METTL21A: variants seen among roughly 807,000 people sequenced by gnomAD.
The protein encoded by METTL21A is methyltransferase 21A, HSPA lysine.
Under a neutral mutation model 20.9 loss-of-function variants are expected in METTL21A, and 22 were observed. That is an observed-to-expected ratio of 1.05 (90% CI 0.75 to 1.50). The LOEUF (loss-of-function observed/expected upper bound fraction) is 1.50, where lower values mean the gene tolerates loss of function less well. Among genes scored for constraint, METTL21A ranks in the 40% most tolerant of loss-of-function variants. METTL21A has a pLI of 0.00. For synonymous variants in METTL21A, 93 were observed against 102.0 expected, an observed-to-expected ratio of 0.91 and a Z score of 0.53; for missense variants, 271 against 266.8, an observed-to-expected ratio of 1.02 and a Z score of -0.11.
chr2:207,623,804 G>A (rs2090792505), intron 2 of METTL21A, among the ~76,000 whole-genome samples: 1 of 152,196 alleles, frequency 6.6e-6, no homozygotes, highest in African/African-American at 2.4e-5. Context: ...ATTGAGCCAG[G>A]ATCGCACCAC....
At chr2:207,585,619 A>C (rs2083682311) in intron 3 of METTL21A, among the ~76,000 whole-genome samples, 1 of 152,242 alleles carries the variant, frequency 6.6e-6, no homozygotes, top group Non-Finnish European at 1.5e-5. Context: ...AAGGAATTGA[A>C]AATAATGATC....
At chr2:207,602,779 C>T (rs2087308054) in intron 3 of METTL21A, 1 of 214,710 alleles carries the variant, frequency 4.7e-6, no homozygotes, top group Admixed American at 5.8e-5. Context: ...TAATTGTCAA[C>T]ATTTTTTTTG....
chr2:207,616,663 G>A (rs1320566177), intron 3 of METTL21A, among the ~76,000 whole-genome samples: 1 of 152,204 alleles, frequency 6.6e-6, no homozygotes, highest in Non-Finnish European at 1.5e-5. Context: ...TGGCCAACAT[G>A]ATGAAACCCT....
downstream of METTL21A, among the ~76,000 whole-genome samples, chr2:207,606,706 A>C (rs1289617077): frequency 6.6e-6 from 1 of 152,162 alleles, no homozygotes; most frequent in African/African-American, 2.4e-5. Flanking sequence ...ACTAACACAA[A>C]TTACAAGTCT....
intron 3 of METTL21A, among the ~76,000 whole-genome samples, chr2:207,596,331 G>T (rs968676985): frequency 2.6e-5 from 4 of 152,336 alleles, no homozygotes; most frequent in Admixed American, 1.3e-4. Context: ...TATTGATATG[G>T]ATAGAATTTC....
At chr2:207,618,847 AG>A (rs1386979322) in intron 3 of METTL21A, among the ~76,000 whole-genome samples, 3 of 152,282 alleles carry the variant, frequency 2.0e-5, no homozygotes, top group African/African-American at 4.8e-5. Flanking sequence ...ATCACAGGTG[AG>A]GGGGGACTGC....
At chr2:207,604,579 A>T (rs149629990), downstream of METTL21A, among the ~76,000 whole-genome samples, 463 of 152,292 alleles carry the variant, frequency 3.0e-3, 2 homozygotes, top group Middle Eastern at 0.01. Flanking sequence ...CAGGAGTTGG[A>T]ATGTTATCCT....
intron 3 of METTL21A, among the ~76,000 whole-genome samples, chr2:207,590,376 G>A (rs961415368): frequency 2.6e-5 from 4 of 151,202 alleles, no homozygotes; most frequent in African/African-American, 7.3e-5. Context: ...TCTGGCTAAA[G>A]GTTTATCAAT....
At chr2:207,588,293 G>A (rs911176285) in intron 3 of METTL21A, among the ~76,000 whole-genome samples, 3 of 152,096 alleles carry the variant, frequency 2.0e-5, no homozygotes, top group African/African-American at 7.2e-5. Flanking sequence ...TTGTTGAAAA[G>A]ACTATTCTTT....
At chr2:207,602,727 A>G (rs1191956960) in intron 3 of METTL21A, 2 of 210,974 alleles carry the variant, frequency 9.5e-6, no homozygotes, top group African/African-American at 2.3e-5. Context: ...TGCCACTCCA[A>G]TTTGTGTATG....
chr2:207,592,987 TAC>T (rs760256415), intron 3 of METTL21A, among the ~76,000 whole-genome samples: 8 of 152,242 alleles, frequency 5.3e-5, no homozygotes, highest in South Asian at 2.1e-4. Context: ...CTTCTGAGAT[TAC>T]AGTTATAAAT....
downstream of METTL21A, among the ~76,000 whole-genome samples, chr2:207,608,319 A>G (rs2088444099): frequency 6.6e-6 from 1 of 152,086 alleles, no homozygotes; most frequent in Admixed American, 6.5e-5. Flanking sequence ...TCAATCTTTG[A>G]GTCTATTTCC....
intron 3 of METTL21A, among the ~76,000 whole-genome samples, chr2:207,589,592 C>T (rs2084568616): frequency 6.6e-6 from 1 of 152,182 alleles, no homozygotes; most frequent in Non-Finnish European, 1.5e-5. Flanking sequence ...GCTGTAGGGT[C>T]TCTGTAAAAA....
chr2:207,582,535 T>C (rs986486086), intron 3 of METTL21A, among the ~76,000 whole-genome samples: 1 of 152,246 alleles, frequency 6.6e-6, no homozygotes, highest in Non-Finnish European at 1.5e-5. Flanking sequence ...GGATCTTTTA[T>C]AAGTGTCTTC....
chr2:207,584,227 C>T (rs1026066830), intron 3 of METTL21A, among the ~76,000 whole-genome samples: 1 of 152,118 alleles, frequency 6.6e-6, no homozygotes, highest in African/African-American at 2.4e-5. Context: ...TTTAAATAAA[C>T]TGTCCAATTG....
intron 3 of METTL21A, chr2:207,601,910 A>G (rs2087122860): frequency 4.7e-6 from 1 of 212,816 alleles, no homozygotes; most frequent in Non-Finnish European, 9.5e-6. Flanking sequence ...AATGTTGACT[A>G]TTAAGTTGGC....
At chr2:207,592,367 C>T (rs1243121671) in intron 3 of METTL21A, among the ~76,000 whole-genome samples, 1 of 152,126 alleles carries the variant, frequency 6.6e-6, no homozygotes, top group Non-Finnish European at 1.5e-5. Context: ...GATCACGCCA[C>T]TGCACTCCAG....
intron 3 of METTL21A, among the ~76,000 whole-genome samples, chr2:207,585,375 A>AC (rs2083638700): frequency 6.6e-6 from 1 of 152,150 alleles, no homozygotes; most frequent in Admixed American, 6.5e-5. Flanking sequence ...ATCTGAACCC[A>AC]CCTAGAATCA....
intron 3 of METTL21A, among the ~76,000 whole-genome samples, chr2:207,619,106 C>G (rs1245276121): frequency 2.0e-5 from 3 of 151,510 alleles, no homozygotes; most frequent in Admixed American, 6.6e-5. Flanking sequence ...AGGAACTACT[C>G]AGGAATTAGC....
Sources: gnomAD v4.1 joint callset for allele counts (sites outside exome capture counted in the v4.1 genomes callset) on GRCh38, gnomAD v4.1.1 for gene constraint, MANE v1.5 for transcripts, NCBI Gene and HGNC (gene_info 2026-07-23, HGNC 2026-07-21) for gene names.